PDZD2: variants seen among roughly 807,000 people sequenced by gnomAD.
The protein encoded by PDZD2 is PDZ domain-containing protein 2.
A neutral mutation model predicts 220.7 loss-of-function variants in PDZD2; 90 were observed. The ratio of observed to expected loss-of-function variants is 0.41; its 90% CI spans 0.34 to 0.49. The LOEUF is 0.49. Ranked by LOEUF, PDZD2 falls within the 20% of genes least tolerant of loss-of-function variation. The probability of loss-of-function intolerance (pLI) is 0.28; values close to 1 mark genes in which losing one functional copy is unlikely to be tolerated. For synonymous variants in PDZD2, 1,375 were observed against 1,450.5 expected, an observed-to-expected ratio of 0.95 and a Z score of 1.18; for missense variants, 3,174 against 3,608.5, an observed-to-expected ratio of 0.88 and a Z score of 3.08.
At chr5:31,869,471 G>A (rs1385937086) in intron 2 of PDZD2, among the ~76,000 whole-genome samples, 1 of 151,742 alleles carries the variant, frequency 6.6e-6, no homozygotes, top group East Asian at 1.9e-4. Flanking sequence ...GCTGAGGCAG[G>A]AGAATGGCCG....
intron 7 of PDZD2, among the ~76,000 whole-genome samples, chr5:32,045,618 AG>A (rs1403504414): frequency 6.7e-6 from 1 of 150,234 alleles, no homozygotes; most frequent in Non-Finnish European, 1.5e-5. Flanking sequence ...TAGTAGAGAT[AG>A]GGTTTCACCA....
intron 2 of PDZD2, among the ~76,000 whole-genome samples, chr5:31,801,510 C>T (rs1313341671): frequency 2.6e-5 from 4 of 152,104 alleles, no homozygotes; most frequent in Admixed American, 1.3e-4. Flanking sequence ...GAGCCCCTAC[C>T]GTTTGCAGCT....
chr5:31,922,422 G>T (rs771633639), intron 2 of PDZD2, among the ~76,000 whole-genome samples: 16 of 152,142 alleles, frequency 1.1e-4, no homozygotes, highest in Non-Finnish European at 2.9e-5. Flanking sequence ...TATCATAATG[G>T]AGACTTAGTA....
intron 6 of PDZD2, among the ~76,000 whole-genome samples, chr5:32,014,301 A>C (rs1435746447): frequency 1.3e-5 from 2 of 152,220 alleles, no homozygotes; most frequent in Non-Finnish European, 2.9e-5. Context: ...AATGCTGAGG[A>C]TCTGCCATGC....
chr5:31,990,304 A>G (rs1001147846), intron 3 of PDZD2, among the ~76,000 whole-genome samples: 16 of 152,224 alleles, frequency 1.1e-4, no homozygotes, highest in Admixed American at 2.6e-4. Flanking sequence ...CGTTGGCTTC[A>G]GTGAAGGGAT....
chr5:32,061,244 C>G, intron 14 of PDZD2, 110 bp downstream of exon 14: 4 of 959,522 alleles, frequency 4.2e-6, no homozygotes, highest in Non-Finnish European at 4.8e-6. Flanking sequence ...AGGCAACCTA[C>G]GGGTGGTTCA....
At chr5:31,999,438 A>G (rs548791361) in intron 4 of PDZD2, among the ~76,000 whole-genome samples, 4 of 152,194 alleles carry the variant, frequency 2.6e-5, no homozygotes, top group African/African-American at 7.2e-5. Context: ...ACTTGAGCCC[A>G]GGAGTTCCAG....
intron 1 of PDZD2, among the ~76,000 whole-genome samples, chr5:31,785,700 C>T (rs1489666657): frequency 3.3e-5 from 5 of 152,046 alleles, no homozygotes; most frequent in Non-Finnish European, 7.4e-5. Flanking sequence ...CTCAGCCTCC[C>T]AAAGTGCTAG....
intron 1 of PDZD2, among the ~76,000 whole-genome samples, chr5:31,647,336 C>T (rs1745173057): frequency 6.6e-6 from 1 of 152,122 alleles, no homozygotes; most frequent in Non-Finnish European, 1.5e-5. Flanking sequence ...CTGTTATTAC[C>T]CCATATTCAT....
chr5:32,093,654 G>A (rs148112255), intron 21 of PDZD2, among the ~76,000 whole-genome samples: 11 of 152,240 alleles, frequency 7.2e-5, no homozygotes, highest in Non-Finnish European at 1.5e-4. Flanking sequence ...TTACAACAAC[G>A]TAAGTTAGAG....
chr5:31,928,433 T>C (rs1220110506), intron 2 of PDZD2, among the ~76,000 whole-genome samples: 1 of 152,148 alleles, frequency 6.6e-6, no homozygotes, highest in Non-Finnish European at 1.5e-5. Flanking sequence ...AAATATAGAA[T>C]GTATTTTTGG....
chr5:31,707,966 T>A (rs1290401837), intron 1 of PDZD2, among the ~76,000 whole-genome samples: 1 of 152,140 alleles, frequency 6.6e-6, no homozygotes, highest in Non-Finnish European at 1.5e-5. Context: ...AACAACCAAT[T>A]CTGAGATGCT....
chr5:32,074,574 C>T lies in PDZD2; in HGVS notation c.3468C>T (p.Asp1156=), dbSNP rs760495984. 1.1e-5 allele frequency: 18 copies of T among 1,613,880 alleles called. No homozygotes were observed. Among genetic ancestry groups the T allele is most frequent in the East Asian group, 4.5e-5 (2 of 44,874 alleles). The stretch of plus-strand genomic sequence containing the variant: ...GAGCCAATGATCCATGCGATCTGGA[C>T]TCGAGAGTCCAGGCCACTTCTGTCA... ...TGRANDPCDL[D]SRVQATSVKV... The change falls in exon 18 of 25, where the codon GAC becomes GAT. Residue 1156 remains aspartate (D), a synonymous_variant. Coordinates refer to ENST00000438447, the MANE Select transcript of PDZD2 (RefSeq NM_178140.4).
intron 6 of PDZD2, among the ~76,000 whole-genome samples, chr5:32,012,576 C>T (rs1002647059): frequency 1.3e-5 from 2 of 151,570 alleles, no homozygotes; most frequent in Non-Finnish European, 2.9e-5. Flanking sequence ...TTAGTAGAGA[C>T]GAGGTTTCAC....
intron 6 of PDZD2, among the ~76,000 whole-genome samples, chr5:32,036,101 G>A (rs1755525666): frequency 6.6e-6 from 1 of 152,042 alleles, no homozygotes; most frequent in African/African-American, 2.4e-5. Flanking sequence ...CCGCCACCAT[G>A]CCCGGCTAAT....
intron 1 of PDZD2, among the ~76,000 whole-genome samples, chr5:31,791,906 T>A (rs1042303122): frequency 1.3e-5 from 2 of 152,196 alleles, no homozygotes; most frequent in Non-Finnish European, 2.9e-5. Flanking sequence ...GTAATTCAGA[T>A]AATTGGTTGG....
intron 2 of PDZD2, among the ~76,000 whole-genome samples, chr5:31,930,585 G>A (rs1323359332): frequency 2.6e-5 from 4 of 152,134 alleles, no homozygotes; most frequent in Non-Finnish European, 1.5e-5. Context: ...GTGTTTAGGC[G>A]TTATCCTTTG....
intron 6 of PDZD2, among the ~76,000 whole-genome samples, chr5:32,024,952 C>T (rs1754514909): frequency 2.6e-5 from 4 of 152,170 alleles, no homozygotes; most frequent in African/African-American, 9.7e-5. Flanking sequence ...CAGATTTGGC[C>T]CCCAGGCATG....
At chr5:32,056,590 T>C (rs1739104201) in intron 10 of PDZD2, among the ~76,000 whole-genome samples, 1 of 152,196 alleles carries the variant, frequency 6.6e-6, no homozygotes, top group Non-Finnish European at 1.5e-5. Flanking sequence ...TTTATATTCC[T>C]AGCAGACGCT....
Sources: gnomAD v4.1 joint callset for allele counts (sites outside exome capture counted in the v4.1 genomes callset) on GRCh38, gnomAD v4.1.1 for gene constraint, MANE v1.5 for transcripts, NCBI Gene and HGNC (gene_info 2026-07-23, HGNC 2026-07-21) for gene names.